SLC9A3: variants seen among roughly 807,000 people sequenced by gnomAD.
The protein encoded by SLC9A3 is solute carrier family 9 member A3.
Under a neutral mutation model 86.8 loss-of-function variants are expected in SLC9A3, and 37 were observed. The observed-to-expected ratio is 0.43, with a 90% CI of 0.33 to 0.56. The LOEUF is 0.56. SLC9A3 is among the 20% of genes least tolerant of loss of function. SLC9A3 has a pLI of 0.06. For synonymous variants in SLC9A3, 581 were observed against 528.3 expected, an observed-to-expected ratio of 1.10 and a Z score of -1.37; for missense variants, 1,011 against 1,171.9, an observed-to-expected ratio of 0.86 and a Z score of 2.00.
intron 3 of SLC9A3, among the ~76,000 whole-genome samples, chr5:487,531 C>A (rs1461523464): frequency 1.9e-5 from 2 of 104,958 alleles, no homozygotes; most frequent in Admixed American, 2.3e-4. Flanking sequence ...GCACTGACAC[C>A]CACCGCACTG....
chr5:484,760 C>T (rs1739387157), intron 4 of SLC9A3, 63 bp from the exon 5 acceptor site: 3 of 1,532,478 alleles, frequency 2.0e-6, no homozygotes, highest in South Asian at 2.3e-5. Flanking sequence ...CCAGGGGCCG[C>T]CTGGTGACCC....
At position 497,800 on chromosome 5, in the gene SLC9A3, T is replaced by C. The variant is rs373121820; in HGVS notation, c.212-5729A>G. Among the ~76,000 whole-genome samples the C allele has an allele frequency of 9.7e-3, 354 of 36,592 alleles. 13 individuals carry two copies. Among genetic ancestry groups the C allele is most frequent in the East Asian group, 0.031 (36 of 1,152 alleles). 24.0% of individuals were successfully genotyped at this position (36,592 alleles called of 152,430 possible). On this transcript the variant is annotated intron_variant, in intron 1 of 16. Transcript: ENST00000264938. This position sits in a 1 kb window ranked among gnomAD's most constrained non-coding sequence, Gnocchi z 5.4. ...GCCGCATCCCCAGCCTCTGCCCCTG[T>C]CCCGGGTGGGGTCGCCCGGCCGCAT...
intron 1 of SLC9A3, among the ~76,000 whole-genome samples, chr5:509,613 G>A (rs190417349): frequency 0.016 from 2,447 of 152,212 alleles, 65 homozygotes; most frequent in African/African-American, 0.053. Context: ...ATGGAGAACC[G>A]CGGACAGGCA....
chr5:498,240 C>A (rs1318431449), intron 1 of SLC9A3, among the ~76,000 whole-genome samples: 2 of 152,066 alleles, frequency 1.3e-5, no homozygotes, highest in Non-Finnish European at 2.9e-5. Context: ...TGAACGCCCC[C>A]GTTCCACTTC....
In SLC9A3 at chr5:500,674, G is replaced by T. The variant is rs1396138136; in HGVS notation, c.212-8603C>A. ...CATGGGGCTAGTATGGATGGGGCTG[G>T]TGTGGATGGGGCCGTGTGGATGGGG... On this transcript the variant is annotated intron_variant, in intron 1 of 16. Transcript: ENST00000264938. Among the ~76,000 whole-genome samples, 4 of 111,330 alleles carry T rather than the reference G, an allele frequency of 3.6e-5. 1 individual carries two copies. The East Asian group carries it at 1.5e-3, about 42-fold the overall frequency. 73.0% of individuals were successfully genotyped at this position (111,330 alleles called of 152,430 possible). A position where few individuals can be genotyped will look rare whatever the true frequency, so the allele number is the denominator to read the frequency against.
chr5:477,804 A>G (rs1329573790), intron 10 of SLC9A3: 3 of 205,196 alleles, frequency 1.5e-5, no homozygotes, highest in South Asian at 1.7e-4. Flanking sequence ...CTGTCCCTGC[A>G]GGAGACCCTA....
At chr5:500,010 G>C (rs1740189522) in intron 1 of SLC9A3, among the ~76,000 whole-genome samples, 1 of 152,242 alleles carries the variant, frequency 6.6e-6, no homozygotes, top group South Asian at 2.1e-4. Flanking sequence ...AGAGCTGTTG[G>C]GCAGGAGCTG....
chr5:481,481 C>T, intron 9 of SLC9A3, 84 bp downstream of exon 9: 1 of 1,142,924 alleles, frequency 8.7e-7, no homozygotes, highest in Admixed American at 1.7e-5. Context: ...AGTTGTTATG[C>T]ATGTGGCTTC....
rs779124557 is a variant in SLC9A3 at position 482,712 on chromosome 5, TGCGGTA to T, written c.1186_1191del (p.Tyr396_Arg397del). The T allele has an allele frequency of 6.2e-7, 1 of 1,611,160 alleles. No homozygotes were observed. ...TGGTCAATGGGCTCCAGCTGCACCA[TGCGGTA>T]GCGGTTCAGAAGCCAGGTCTGCAGG... is the stretch of plus-strand genomic sequence containing the variant. On this transcript the variant is annotated inframe_deletion, in exon 7 of 17. Transcript: ENST00000264938.
chr5:481,403 T>C (rs1210576281), intron 9 of SLC9A3, among the ~76,000 whole-genome samples, 162 bp downstream of exon 9: 1 of 152,192 alleles, frequency 6.6e-6, no homozygotes, highest in Non-Finnish European at 1.5e-5. Flanking sequence ...AGCACCTGCG[T>C]GTCTCGGGGC....
Position 517,349 on chromosome 5 carries a change from C to T in SLC9A3, c.211+6763G>A, listed in dbSNP as rs142536957. Among the ~76,000 whole-genome samples the T allele has an allele frequency of 5.9e-5, 9 of 151,820 alleles. No homozygotes were observed. The East Asian group carries it at 1.8e-3, about 30-fold the overall frequency. On this transcript the variant is annotated intron_variant, in intron 1 of 16. Coordinates refer to ENST00000264938, the MANE Select transcript of SLC9A3 (RefSeq NM_004174.4). ...TCCATCCATGAGTTCACTCACCCACCCATCCATCAATCCACTCATCCATCC... is the reference window on the plus strand; with the variant it reads ...TCCATCCATGAGTTCACTCACCCACTCATCCATCAATCCACTCATCCATCC...
intron 2 of SLC9A3, among the ~76,000 whole-genome samples, chr5:489,220 G>T (rs1268487014): frequency 1.3e-5 from 2 of 152,174 alleles, no homozygotes; most frequent in Non-Finnish European, 2.9e-5. Context: ...TCTCACGGCC[G>T]CAGGGCTCAG....
chr5:482,523 C>G, intron 7 of SLC9A3, 25 bp downstream of exon 7: 1 of 1,592,398 alleles, frequency 6.3e-7, no homozygotes, highest in Non-Finnish European at 8.6e-7. Context: ...GCCGAGACCC[C>G]AGGGCTGGCT....
intron 1 of SLC9A3, among the ~76,000 whole-genome samples, chr5:494,418 T>A (rs555473852): frequency 6.6e-6 from 1 of 152,282 alleles, no homozygotes; most frequent in South Asian, 2.1e-4. Context: ...CAGGGCAGCC[T>A]GGGACCCCCT....
chr5:472,054 C>T lies in SLC9A3; in HGVS notation c.*1325G>A. On this transcript the variant is annotated 3_prime_UTR_variant, in exon 17 of 17. Coordinates refer to ENST00000264938, the MANE Select transcript of SLC9A3 (RefSeq NM_004174.4). ...CTAGGAGTGTCCACCTCCACCACTT[C>T]CACCGTGCAGGCAGGTTTCAGGTGG... is the stretch of plus-strand genomic sequence containing the variant. 2.2e-6 allele frequency: 1 copy of T among 454,432 alleles called. No homozygotes were observed. Among genetic ancestry groups the T allele is most frequent in the Admixed American group, 2.4e-5 (1 of 42,460 alleles). The allele number at this position is 454,432 out of a possible 1,614,324, so 28.1% of individuals were successfully genotyped here. A position where few individuals can be genotyped will look rare whatever the true frequency, so the allele number is the denominator to read the frequency against.
chr5:485,248 C>T lies in SLC9A3; in HGVS notation c.676-17G>A. On this transcript the variant is annotated splice_polypyrimidine_tract_variant and intron_variant, in intron 3 of 16. Coordinates refer to ENST00000264938, the MANE Select transcript of SLC9A3 (RefSeq NM_004174.4). Reference sequence around the variant, plus strand: ...GTACAGAACCTGCAGGGAAAACGGGCAGGGCGTTGGGTGGTCCTTGGTTAG... The same window carrying T: ...GTACAGAACCTGCAGGGAAAACGGGTAGGGCGTTGGGTGGTCCTTGGTTAG... The T allele has an allele frequency of 6.2e-7, 1 of 1,605,922 alleles. No homozygotes were observed. Among genetic ancestry groups the T allele is most frequent in the Non-Finnish European group, 8.5e-7 (1 of 1,177,280 alleles).
intron 10 of SLC9A3, chr5:479,299 C>G (rs1738993060): frequency 6.4e-6 from 1 of 156,020 alleles, no homozygotes; most frequent in African/African-American, 2.4e-5. Flanking sequence ...CGGCAGTGGC[C>G]TCGGGGCTGG....
chr5:484,700 G>A lies in SLC9A3; in HGVS notation c.755-3C>T, dbSNP rs767278678. 1.9e-6 allele frequency: 3 copies of A among 1,612,582 alleles called. No individual in the cohort carries two copies. Among genetic ancestry groups the A allele is most frequent in the Non-Finnish European group, 1.7e-6 (2 of 1,179,706 alleles). ...CAGGCTCACCACGAAGAAGGACACT[G>A]GGTAGAGGACGCCCTTTGTGGCCGT... is the stretch of plus-strand genomic sequence containing the variant. On this transcript the variant is annotated splice_region_variant and splice_polypyrimidine_tract_variant and intron_variant, in intron 4 of 16. Coordinates refer to ENST00000264938, the MANE Select transcript of SLC9A3 (RefSeq NM_004174.4).
intron 1 of SLC9A3, among the ~76,000 whole-genome samples, chr5:499,799 A>G (rs1373360698): frequency 6.6e-6 from 1 of 152,156 alleles, no homozygotes; most frequent in African/African-American, 2.4e-5. Context: ...ATCTGCGCAT[A>G]ACGTCTCCGT....
Sources: allele counts gnomAD v4.1 joint callset (sites outside exome capture counted in the v4.1 genomes callset), GRCh38; gene constraint gnomAD v4.1.1; non-coding constraint Gnocchi (gnomAD v3.1); transcripts MANE v1.5; gene names NCBI Gene and HGNC (gene_info 2026-07-23, HGNC 2026-07-21).